The following TRAPPC13 variants were observed in gnomAD, a reference collection of about 807,000 sequenced individuals.
The protein encoded by TRAPPC13 is REV7-interacting novel NHEJ regulator 1.
A neutral mutation model predicts 54.0 loss-of-function variants in TRAPPC13; 39 were observed. That is an observed-to-expected ratio of 0.72 (90% confidence interval 0.56 to 0.94). The LOEUF (loss-of-function observed/expected upper bound fraction) is 0.94, where lower values mean the gene tolerates loss of function less well. Ranked by LOEUF, TRAPPC13 falls within the 40% of genes least tolerant of loss-of-function variation. The pLI, the probability that TRAPPC13 is intolerant of heterozygous loss-of-function variation, is 0.00. For missense variants in TRAPPC13, 386 were observed against 488.1 expected, an observed-to-expected ratio of 0.79 and a Z score of 1.97; for synonymous variants, 148 against 167.7, an observed-to-expected ratio of 0.88 and a Z score of 0.91.
rs1429724435 is a variant in TRAPPC13 at position 65,658,433 on chromosome 5, G to A, written c.630G>A (p.Lys210=). ...CAACCTCACCTATGTTTATGGAGAAGGTTTCACTGGAGCCATCTATTATGT... is the reference window on the plus strand; with the variant it reads ...CAACCTCACCTATGTTTATGGAGAAAGTTTCACTGGAGCCATCTATTATGT... ...NMTTSPMFME[K]VSLEPSIMYN... is the part of the protein sequence containing the mutation. Residue 210 remains lysine (K), a synonymous_variant, in exon 9 of 13, where the codon AAG becomes AAA. Coordinates refer to ENST00000399438, the MANE Select transcript of TRAPPC13 (RefSeq NM_024941.4). 1.9e-6 allele frequency: 3 copies of A among 1,594,176 alleles called. No homozygotes were observed. In the East Asian group the frequency reaches 6.8e-5, roughly 36 times the overall value.
At chr5:65,638,757 A>G (rs544280690) in intron 4 of TRAPPC13, among the ~76,000 whole-genome samples, 1 of 152,296 alleles carries the variant, frequency 6.6e-6, no homozygotes, top group South Asian at 2.1e-4. Context: ...GCAAAGAGAG[A>G]GAGCTTGTGC....
intron 7 of TRAPPC13, among the ~76,000 whole-genome samples, chr5:65,652,918 T>A (rs1172930690): frequency 6.6e-6 from 1 of 152,006 alleles, no homozygotes; most frequent in Non-Finnish European, 1.5e-5. Flanking sequence ...CAAAATAGAT[T>A]TAATATTCAC....
At position 65,626,525 on chromosome 5, in the gene TRAPPC13, C is replaced by T. The variant is rs78545708; in HGVS notation, c.46+1419C>T. On this transcript the variant is annotated intron_variant, in intron 1 of 12. Coordinates refer to ENST00000399438, the MANE Select transcript of TRAPPC13 (RefSeq NM_024941.4). ...AGGCCAAGGCGGGTGATCACAAGGTCAAGAGATCAAGACCATCCTGGCTAA... is the reference window on the plus strand; with the variant it reads ...AGGCCAAGGCGGGTGATCACAAGGTTAAGAGATCAAGACCATCCTGGCTAA... 3.7e-3 allele frequency among the ~76,000 whole-genome samples: 567 copies of T among 152,162 alleles called. 2 individuals are homozygous for T. Among genetic ancestry groups the T allele is most frequent in the African/African-American group, 0.013 (524 of 41,514 alleles).
At chr5:65,633,084 TG>T (rs1270662996) in intron 1 of TRAPPC13, among the ~76,000 whole-genome samples, 2 of 152,156 alleles carry the variant, frequency 1.3e-5, no homozygotes, top group Non-Finnish European at 2.9e-5. Context: ...TGAAACAGAA[TG>T]ACCTGTTACT....
chr5:65,628,511 G>A (rs1315725307), intron 1 of TRAPPC13, among the ~76,000 whole-genome samples: 1 of 150,506 alleles, frequency 6.6e-6, no homozygotes, highest in Non-Finnish European at 1.5e-5. Context: ...CCAGGCTGGA[G>A]TGCAATGGGA....
chr5:65,654,250 A>G (rs563085998), intron 7 of TRAPPC13, among the ~76,000 whole-genome samples: 17 of 152,258 alleles, frequency 1.1e-4, no homozygotes, highest in African/African-American at 3.8e-4. Flanking sequence ...CCACCACACC[A>G]ATTGATTTTT....
intron 4 of TRAPPC13, among the ~76,000 whole-genome samples, chr5:65,643,947 C>G (rs1481262220): frequency 6.6e-6 from 1 of 151,450 alleles, no homozygotes. Context: ...TCAGGAAGTT[C>G]TTGTGGGTAC....
intron 3 of TRAPPC13, among the ~76,000 whole-genome samples, chr5:65,636,750 T>C (rs1318581423): frequency 6.6e-6 from 1 of 152,198 alleles, no homozygotes; most frequent in African/African-American, 2.4e-5. Flanking sequence ...CTGTTATCCT[T>C]AGCTGTATTA....
Position 65,636,050 on chromosome 5 carries a change from A to G in TRAPPC13, c.215+7A>G. The G allele has an allele frequency of 5.1e-6, 8 of 1,555,284 alleles. No homozygotes were observed. The highest frequency in any genetic ancestry group is 7.0e-6 in the Non-Finnish European group (8 of 1,138,582). ...CTTTACCACAGAATTTTGGGTAAGAATGACATATTCACATAAGAAACCTTG... is the reference window on the plus strand; with the variant it reads ...CTTTACCACAGAATTTTGGGTAAGAGTGACATATTCACATAAGAAACCTTG... On this transcript the variant is annotated splice_region_variant and intron_variant, in intron 3 of 12. Transcript: ENST00000399438.
At chr5:65,659,753 G>A (rs898232039) in intron 9 of TRAPPC13, among the ~76,000 whole-genome samples, 4 of 152,098 alleles carry the variant, frequency 2.6e-5, no homozygotes, top group Admixed American at 2.6e-4. Context: ...GAAGGCTGAG[G>A]CCAGAGGATT....
chr5:65,641,110 A>G (rs1186269514), intron 4 of TRAPPC13, among the ~76,000 whole-genome samples: 2 of 151,696 alleles, frequency 1.3e-5, no homozygotes, highest in African/African-American at 4.8e-5. Flanking sequence ...ATTTTTTAAT[A>G]TTTTTTAGAG....
intron 1 of TRAPPC13, among the ~76,000 whole-genome samples, chr5:65,634,127 A>C (rs1755656119): frequency 6.6e-6 from 1 of 151,132 alleles, no homozygotes; most frequent in African/African-American, 2.4e-5. Flanking sequence ...CTGGGACTAC[A>C]GGCACCCGCC....
chr5:65,659,370 A>T (rs531092252), intron 9 of TRAPPC13, among the ~76,000 whole-genome samples: 7 of 152,348 alleles, frequency 4.6e-5, no homozygotes, highest in African/African-American at 1.7e-4. Flanking sequence ...CATAAAAATA[A>T]AGATCCTAGC....
At chr5:65,625,203 C>A in intron 1 of TRAPPC13, 97 bp downstream of exon 1, 1 of 1,020,970 alleles carries the variant, frequency 9.8e-7, no homozygotes, top group Non-Finnish European at 1.6e-6. Flanking sequence ...CTTAAACACT[C>A]AGTGCTCGCC....
At chr5:65,626,685 G>A (rs2150655583) in intron 1 of TRAPPC13, among the ~76,000 whole-genome samples, 1 of 152,192 alleles carries the variant, frequency 6.6e-6, no homozygotes, top group East Asian at 1.9e-4. Context: ...GCAGTGATCC[G>A]AGATCACGCC....
At chr5:65,647,276 G>T in intron 5 of TRAPPC13, 94 bp downstream of exon 5, 1 of 1,096,088 alleles carries the variant, frequency 9.1e-7, no homozygotes, top group Admixed American at 3.2e-5. Flanking sequence ...TGAAGCATAG[G>T]AACCTACTTC....
intron 6 of TRAPPC13, among the ~76,000 whole-genome samples, chr5:65,651,894 A>G (rs578001476): frequency 1.1e-5 from 1 of 87,150 alleles, no homozygotes; most frequent in Non-Finnish European, 2.0e-5. Context: ...ATGGCGTTTC[A>G]CTCTTGTCGC....
chr5:65,635,247 A>G, intron 1 of TRAPPC13, 54 bp from the exon 2 acceptor site: 1 of 1,465,254 alleles, frequency 6.8e-7, no homozygotes, highest in South Asian at 1.2e-5. Context: ...ACTTGAGAAT[A>G]TTAACCCTAA....
At chr5:65,647,931 T>C (rs1474790034) in intron 5 of TRAPPC13, among the ~76,000 whole-genome samples, 1 of 152,174 alleles carries the variant, frequency 6.6e-6, no homozygotes, top group Non-Finnish European at 1.5e-5. Flanking sequence ...CTTTTTCATG[T>C]ATATTCTTTG....
Sources: allele counts gnomAD v4.1 joint callset (sites outside exome capture counted in the v4.1 genomes callset), GRCh38; gene constraint gnomAD v4.1.1; transcripts MANE v1.5; gene names NCBI Gene and HGNC (gene_info 2026-07-23, HGNC 2026-07-21).